The following SFI1 variants were observed in gnomAD, a reference collection of about 807,000 sequenced individuals.
The protein encoded by SFI1 is protein SFI1 homolog.
SFI1 carries 195 observed loss-of-function variants against 207.5 expected under a neutral mutation model. The observed-to-expected ratio is 0.94, with a 90% CI of 0.84 to 1.06. The LOEUF (loss-of-function observed/expected upper bound fraction) is 1.06, where lower values mean the gene tolerates loss of function less well. SFI1 is among the 50% of genes least tolerant of loss of function. The pLI is 0.00. For synonymous variants in SFI1, 630 were observed against 598.9 expected (o/e 1.05, Z -0.76); for missense variants, 1,634 against 1,588.0 (o/e 1.03, Z -0.49).
chr22:31,574,989 G>A (rs1295254361), intron 9 of SFI1, among the ~76,000 whole-genome samples: 2 of 151,308 alleles, frequency 1.3e-5, no homozygotes, highest in African/African-American at 4.9e-5. Flanking sequence ...AACCTGGGAG[G>A]CATAGGTTGC....
At chr22:31,516,299 G>A (rs2056490070) in intron 2 of SFI1, among the ~76,000 whole-genome samples, 1 of 151,938 alleles carries the variant, frequency 6.6e-6, no homozygotes, top group African/African-American at 2.4e-5. Flanking sequence ...GATCACTTGA[G>A]GTCAGGAGTT....
intron 6 of SFI1, among the ~76,000 whole-genome samples, chr22:31,554,286 A>G (rs2148094906): frequency 6.6e-6 from 1 of 151,890 alleles, no homozygotes; most frequent in Admixed American, 6.6e-5. Flanking sequence ...TTGCTAAGTT[A>G]ATTTATTATT....
chr22:31,551,800 T>A (rs2060648813), intron 6 of SFI1, among the ~76,000 whole-genome samples: 1 of 152,240 alleles, frequency 6.6e-6, no homozygotes, highest in Admixed American at 6.5e-5. Context: ...TTCCCACCAG[T>A]AATTCACGAG....
intron 6 of SFI1, among the ~76,000 whole-genome samples, chr22:31,555,051 T>C (rs2061025963): frequency 6.6e-6 from 1 of 152,220 alleles, no homozygotes; most frequent in South Asian, 2.1e-4. Context: ...AGTTCCTTTA[T>C]TTTTGTTAAG....
At chr22:31,520,945 G>A (rs1322072122) in intron 2 of SFI1, among the ~76,000 whole-genome samples, 1 of 140,008 alleles carries the variant, frequency 7.1e-6, no homozygotes, top group Non-Finnish European at 1.5e-5. Flanking sequence ...CTAAGGCTGT[G>A]TAATTTGTGA....
intron 8 of SFI1, among the ~76,000 whole-genome samples, chr22:31,563,311 A>C (rs757018475): frequency 4.6e-5 from 7 of 151,758 alleles, no homozygotes; most frequent in Non-Finnish European, 8.8e-5. Context: ...TATCATAATC[A>C]CCATGCAGTA....
At chr22:31,503,103 CTTG>C (rs2054071067) in intron 1 of SFI1, among the ~76,000 whole-genome samples, 1 of 151,252 alleles carries the variant, frequency 6.6e-6, no homozygotes, top group Non-Finnish European at 1.5e-5. Context: ...TTGGAAGCTC[CTTG>C]TGTCTGAGCA....
chr22:31,574,009 G>T (rs574257857), intron 9 of SFI1, among the ~76,000 whole-genome samples: 13 of 152,304 alleles, frequency 8.5e-5, no homozygotes, highest in African/African-American at 3.1e-4. Flanking sequence ...GCAAATGCAT[G>T]TGATTTTGAT....
At position 31,556,964 on chromosome 22, in the gene SFI1, G is replaced by A; in HGVS notation, c.567G>A (p.Gln189=). The A allele has an allele frequency of 6.2e-7, 1 of 1,609,088 alleles. No homozygotes were observed. Among genetic ancestry groups the A allele is most frequent in the Non-Finnish European group, 8.5e-7 (1 of 1,177,198 alleles). The change falls in exon 7 of 33, where the codon CAG becomes CAA. Residue 189 remains glutamine (Q), a synonymous_variant. Transcript: ENST00000400288. ...EVHDAKQKMR[Q]AWKSWLIYVV... ...TAGATGCAAAGCAAAAGATGCGACA[G>A]GCCTGGAAGTCCTGGTTGATCTACG...
intron 2 of SFI1, among the ~76,000 whole-genome samples, chr22:31,525,377 C>T (rs2057783351): frequency 2.6e-5 from 4 of 152,010 alleles, no homozygotes; most frequent in Admixed American, 2.0e-4. Flanking sequence ...CTCACTTTTC[C>T]CAGCACCATT....
intron 4 of SFI1, among the ~76,000 whole-genome samples, chr22:31,537,062 C>G (rs1038923914): frequency 3.3e-5 from 5 of 151,902 alleles, no homozygotes; most frequent in African/African-American, 4.8e-5. Flanking sequence ...TTTTAACAAG[C>G]CACCTGGAGA....
chr22:31,506,720 C>A (rs1296689607), intron 1 of SFI1, among the ~76,000 whole-genome samples: 1 of 152,048 alleles, frequency 6.6e-6, no homozygotes, highest in Admixed American at 6.6e-5. Flanking sequence ...CAACAACAGG[C>A]AAGCAGAGAA....
At chr22:31,505,023 C>G (rs186432586) in intron 1 of SFI1, among the ~76,000 whole-genome samples, 1,608 of 152,032 alleles carry the variant, frequency 0.011, 10 homozygotes, top group Middle Eastern at 0.031. Flanking sequence ...CAATTCAACC[C>G]ACAACACTGC....
At chr22:31,509,695 A>T (rs549016489) in intron 2 of SFI1, among the ~76,000 whole-genome samples, 2 of 152,296 alleles carry the variant, frequency 1.3e-5, no homozygotes, top group East Asian at 3.9e-4. Flanking sequence ...AATCAAGTTG[A>T]CACTTAACAT....
chr22:31,523,086 G>A (rs2057472144), intron 2 of SFI1, among the ~76,000 whole-genome samples: 1 of 152,100 alleles, frequency 6.6e-6, no homozygotes, highest in African/African-American at 2.4e-5. Context: ...TGAACATTGT[G>A]TACAAGTTTT....
intron 14 of SFI1, chr22:31,587,451 A>C: frequency 5.4e-6 from 1 of 184,300 alleles, no homozygotes; most frequent in Non-Finnish European, 1.2e-5. Flanking sequence ...TACAGGTGCA[A>C]GCCACCACGC....
intron 7 of SFI1, among the ~76,000 whole-genome samples, chr22:31,559,300 A>G (rs2061450726): frequency 6.6e-6 from 1 of 151,938 alleles, no homozygotes; most frequent in Non-Finnish European, 1.5e-5. Context: ...GTGCACGCCT[A>G]TAATCCCAGC....
At chr22:31,575,462 C>A in intron 10 of SFI1, 70 bp downstream of exon 10, 1 of 1,414,060 alleles carries the variant, frequency 7.1e-7, no homozygotes, top group Non-Finnish European at 9.4e-7. Context: ...GCATGTGAAA[C>A]GAAAGTCATG....
At chr22:31,524,547 G>A (rs994093760) in intron 2 of SFI1, among the ~76,000 whole-genome samples, 6 of 151,298 alleles carry the variant, frequency 4.0e-5, no homozygotes, top group African/African-American at 9.7e-5. Context: ...ATCAGCCTCC[G>A]GAGTAGCTGG....
Sources: gnomAD v4.1 joint callset for allele counts (sites outside exome capture counted in the v4.1 genomes callset) on GRCh38, gnomAD v4.1.1 for gene constraint, MANE v1.5 for transcripts, NCBI Gene and HGNC (gene_info 2026-07-23, HGNC 2026-07-21) for gene names.